Variants in SCHIP1 observed in about 807,000 individuals in gnomAD.
SCHIP1 encodes the protein schwannomin-interacting protein 1.
SCHIP1 carries 8 observed loss-of-function variants against 29.7 expected under a neutral mutation model. The ratio of observed to expected loss-of-function variants is 0.27; its 90% CI spans 0.16 to 0.49. The LOEUF is 0.49. SCHIP1 is among the 20% of genes least tolerant of loss of function. SCHIP1 has a pLI of 0.99. For synonymous variants in SCHIP1, 76 were observed against 94.9 expected (o/e 0.80, Z 1.16); for missense variants, 193 against 294.6 (o/e 0.66, Z 2.52).
the SCHIP1 span, among the ~76,000 whole-genome samples, chr3:159,449,887 A>C: frequency 6.6e-6 from 1 of 152,096 alleles, no homozygotes; most frequent in Non-Finnish European, 1.5e-5. Context: ...GAAAGAAAGA[A>C]GGGAAGAAAA....
the SCHIP1 span, among the ~76,000 whole-genome samples, chr3:159,516,273 T>C: frequency 6.6e-6 from 1 of 152,206 alleles, no homozygotes; most frequent in Non-Finnish European, 1.5e-5. Flanking sequence ...CAAAAGTCCA[T>C]GTGTCTGGAA....
At chr3:159,378,416 A>G in the SCHIP1 span, among the ~76,000 whole-genome samples, 1 of 152,198 alleles carries the variant, frequency 6.6e-6, no homozygotes, top group African/African-American at 2.4e-5. Flanking sequence ...CAAACAGATC[A>G]CTGACTCTTG....
exon 1 of SCHIP1, chr3:159,840,209 T>G (rs1744101885): frequency 3.3e-6 from 5 of 1,535,700 alleles, no homozygotes; most frequent in Non-Finnish European, 4.4e-6. Flanking sequence ...TAACTGCTCG[T>G]ATCAGGTAAA....
chr3:159,367,439 C>T, the SCHIP1 span, among the ~76,000 whole-genome samples: 1 of 151,628 alleles, frequency 6.6e-6, no homozygotes, highest in Non-Finnish European at 1.5e-5. Context: ...TCTGTAGTCT[C>T]CTTTAAACCA....
At chr3:159,491,128 G>A in the SCHIP1 span, among the ~76,000 whole-genome samples, 1 of 151,730 alleles carries the variant, frequency 6.6e-6, no homozygotes, top group African/African-American at 2.4e-5. Flanking sequence ...ACAGTGGGGA[G>A]CCAAGATGGC....
At chr3:159,494,560 T>C in the SCHIP1 span, among the ~76,000 whole-genome samples, 2 of 152,094 alleles carry the variant, frequency 1.3e-5, no homozygotes, top group African/African-American at 2.4e-5. Context: ...CCAGGAAGAA[T>C]TTGAATCTCT....
At chr3:159,622,745 C>T in the SCHIP1 span, among the ~76,000 whole-genome samples, 7,270 of 151,854 alleles carry the variant, frequency 0.048, 413 homozygotes, top group East Asian at 0.17. Context: ...AGTGAAACCC[C>T]GTCTCTACTA....
intron 2 of SCHIP1, among the ~76,000 whole-genome samples, chr3:159,882,274 G>C (rs549486292): frequency 6.6e-6 from 1 of 152,312 alleles, no homozygotes; most frequent in South Asian, 2.1e-4. Context: ...GGGAGAGAAT[G>C]TAAGTGAACA....
chr3:159,343,671 G>A, the SCHIP1 span, among the ~76,000 whole-genome samples: 2 of 152,278 alleles, frequency 1.3e-5, no homozygotes, highest in African/African-American at 4.8e-5. Flanking sequence ...ACTGGAGCAG[G>A]GAAGTATATG....
At chr3:159,355,050 A>G in the SCHIP1 span, among the ~76,000 whole-genome samples, 1 of 152,148 alleles carries the variant, frequency 6.6e-6, no homozygotes, top group Non-Finnish European at 1.5e-5. Flanking sequence ...GGGCAGCTAG[A>G]AGGTTTGCCA....
the SCHIP1 span, among the ~76,000 whole-genome samples, chr3:159,372,892 C>T: frequency 5.9e-5 from 9 of 152,010 alleles, no homozygotes; most frequent in African/African-American, 2.2e-4. Context: ...GTAGTGGCAA[C>T]AGAAACCTTA....
chr3:159,637,814 A>C, the SCHIP1 span, among the ~76,000 whole-genome samples: 1 of 152,240 alleles, frequency 6.6e-6, no homozygotes, highest in Non-Finnish European at 1.5e-5. Flanking sequence ...GGAAAATGCC[A>C]GCATTGGCCA....
At chr3:159,458,114 G>A in the SCHIP1 span, among the ~76,000 whole-genome samples, 17 of 152,164 alleles carry the variant, frequency 1.1e-4, no homozygotes, top group Non-Finnish European at 2.4e-4. Flanking sequence ...AGAGCTCTGA[G>A]GAAATAATCC....
chr3:159,341,313 T>C, the SCHIP1 span, among the ~76,000 whole-genome samples: 1 of 151,960 alleles, frequency 6.6e-6, no homozygotes, highest in African/African-American at 2.4e-5. Context: ...CTCTCTCAAC[T>C]CCCCTGCTGT....
chr3:159,756,303 C>T, the SCHIP1 span, among the ~76,000 whole-genome samples: 1 of 152,236 alleles, frequency 6.6e-6, no homozygotes, highest in East Asian at 1.9e-4. Flanking sequence ...CATCTATGCA[C>T]TCACAGGCTC....
chr3:159,338,714 T>C, the SCHIP1 span, among the ~76,000 whole-genome samples: 1 of 152,142 alleles, frequency 6.6e-6, no homozygotes, highest in Non-Finnish European at 1.5e-5. Context: ...AGTGGAAACA[T>C]GAATCCAGCC....
the SCHIP1 span, among the ~76,000 whole-genome samples, chr3:159,371,780 A>C: frequency 6.6e-6 from 1 of 152,170 alleles, no homozygotes; most frequent in Non-Finnish European, 1.5e-5. Flanking sequence ...GTACAATGTA[A>C]ATGCTATGTA....
chr3:159,880,565 G>A (rs768818080), intron 2 of SCHIP1, among the ~76,000 whole-genome samples: 7 of 152,146 alleles, frequency 4.6e-5, no homozygotes, highest in Non-Finnish European at 1.0e-4. Flanking sequence ...GCCCTCAGGA[G>A]CCAAAAAGAA....
At chr3:159,834,557 A>AT in the SCHIP1 span, among the ~76,000 whole-genome samples, 1 of 152,192 alleles carries the variant, frequency 6.6e-6, no homozygotes, top group African/African-American at 2.4e-5. Flanking sequence ...TCTGCGAAGC[A>AT]TTTTTAAAGG....
Sources: gnomAD v4.1 joint callset for allele counts (sites outside exome capture counted in the v4.1 genomes callset) on GRCh38, gnomAD v4.1.1 for gene constraint, MANE v1.5 for transcripts, NCBI Gene and HGNC (gene_info 2026-07-23, HGNC 2026-07-21) for gene names.